Variants in CDH13 observed in about 807,000 individuals in gnomAD.
The protein encoded by CDH13 is cadherin 13, also known as cadherin-13.
CDH13 carries 24 observed loss-of-function variants against 63.8 expected under a neutral mutation model. That is an observed-to-expected ratio of 0.38 (90% CI 0.27 to 0.53). The LOEUF (loss-of-function observed/expected upper bound fraction) is 0.53, where lower values mean the gene tolerates loss of function less well. Among genes scored for constraint, CDH13 ranks in the 20% least tolerant of loss-of-function variants. The pLI, the probability that CDH13 is intolerant of heterozygous loss-of-function variation, is 0.85. For synonymous variants in CDH13, 503 were observed against 355.3 expected (o/e 1.42, Z -4.67); for missense variants, 1,049 against 903.1 (o/e 1.16, Z -2.07).
chr16:82,690,404 AAATT>A (rs1468461331), intron 1 of CDH13, among the ~76,000 whole-genome samples: 2 of 152,170 alleles, frequency 1.3e-5, no homozygotes, highest in African/African-American at 4.8e-5. Context: ...AAATAACAAA[AAATT>A]AATATCTAAG....
chr16:82,948,187 T>C (rs1415888183), intron 2 of CDH13, among the ~76,000 whole-genome samples: 1 of 152,144 alleles, frequency 6.6e-6, no homozygotes, highest in Non-Finnish European at 1.5e-5. Flanking sequence ...AGTAAGTTAT[T>C]TGGATAAGCC....
At chr16:83,004,005 C>G (rs1416450289) in intron 2 of CDH13, among the ~76,000 whole-genome samples, 6 of 152,110 alleles carry the variant, frequency 3.9e-5, no homozygotes, top group African/African-American at 1.2e-4. Context: ...TCAAGACAAT[C>G]GAATGTGTCA....
At chr16:82,671,675 T>C (rs1426819930) in intron 1 of CDH13, among the ~76,000 whole-genome samples, 2 of 152,202 alleles carry the variant, frequency 1.3e-5, no homozygotes, top group Non-Finnish European at 2.9e-5. Flanking sequence ...CTGATCTTCG[T>C]GAATCCAACT....
chr16:83,008,344 G>T (rs913947297), intron 2 of CDH13, among the ~76,000 whole-genome samples: 1 of 152,192 alleles, frequency 6.6e-6, no homozygotes, highest in Non-Finnish European at 1.5e-5. Flanking sequence ...AGGAAGTTAG[G>T]AAGTTATGCA....
intron 6 of CDH13, among the ~76,000 whole-genome samples, chr16:83,428,000 A>G (rs2071965701): frequency 1.3e-5 from 2 of 152,246 alleles, no homozygotes; most frequent in African/African-American, 2.4e-5. Context: ...TCCTCTGGTC[A>G]GTTCCACTGG....
chr16:83,159,430 T>C (rs756637774), intron 4 of CDH13, among the ~76,000 whole-genome samples: 3 of 151,994 alleles, frequency 2.0e-5, no homozygotes, highest in Non-Finnish European at 4.4e-5. Context: ...TTAATGGGTA[T>C]CATATGGGGT....
intron 1 of CDH13, among the ~76,000 whole-genome samples, chr16:82,632,408 C>T (rs1208827477): frequency 6.6e-6 from 1 of 152,202 alleles, no homozygotes; most frequent in African/African-American, 2.4e-5. Context: ...GGGACTGCAG[C>T]CCCTCCCTGA....
chr16:83,554,602 G>C (rs940659733), intron 7 of CDH13, among the ~76,000 whole-genome samples: 4 of 151,974 alleles, frequency 2.6e-5, no homozygotes, highest in Admixed American at 1.3e-4. Context: ...TCTCACACTT[G>C]GTTGCCTGAT....
At chr16:82,860,604 C>G (rs2039904627) in intron 2 of CDH13, among the ~76,000 whole-genome samples, 1 of 150,756 alleles carries the variant, frequency 6.6e-6, no homozygotes, top group African/African-American at 2.4e-5. Context: ...TTGATTAGCC[C>G]CTCTTGGTGA....
At chr16:83,098,912 T>A (rs1414645477) in intron 3 of CDH13, among the ~76,000 whole-genome samples, 1 of 152,218 alleles carries the variant, frequency 6.6e-6, no homozygotes, top group Non-Finnish European at 1.5e-5. Flanking sequence ...AGACTGGTTG[T>A]TCCTTATTTG....
At chr16:83,144,211 C>T (rs1278114789) in intron 4 of CDH13, among the ~76,000 whole-genome samples, 3 of 152,116 alleles carry the variant, frequency 2.0e-5, no homozygotes, top group Non-Finnish European at 2.9e-5. Context: ...GAAGGTTTCT[C>T]CCATGAGGAA....
At chr16:83,547,232 A>C (rs1342967353) in intron 7 of CDH13, among the ~76,000 whole-genome samples, 2 of 152,244 alleles carry the variant, frequency 1.3e-5, no homozygotes, top group African/African-American at 4.8e-5. Context: ...TCAAGAGTAC[A>C]CAGCAGTGAG....
At chr16:83,673,805 C>T (rs1567505625) in intron 9 of CDH13, among the ~76,000 whole-genome samples, 1 of 152,222 alleles carries the variant, frequency 6.6e-6, no homozygotes, top group Admixed American at 6.5e-5. Context: ...ACAGGGCACA[C>T]CACTTGTCAA....
intron 10 of CDH13, among the ~76,000 whole-genome samples, chr16:83,708,748 A>C (rs1449511691): frequency 6.6e-6 from 1 of 152,196 alleles, no homozygotes. Context: ...GGCAGGGCCA[A>C]GCGCGGTGGC....
chr16:83,505,286 A>C (rs1282101150), intron 7 of CDH13, among the ~76,000 whole-genome samples: 2 of 152,304 alleles, frequency 1.3e-5, no homozygotes, highest in Non-Finnish European at 2.9e-5. Flanking sequence ...GCCTACAACG[A>C]AGGATAATTC....
chr16:83,216,507 C>T (rs182729707), intron 4 of CDH13, among the ~76,000 whole-genome samples: 1,887 of 123,856 alleles, frequency 0.015, 12 homozygotes, highest in Middle Eastern at 0.033. Flanking sequence ...ATATTTAATA[C>T]ATAGGGATTT....
In CDH13 at chr16:83,198,265, C is replaced by G. The variant is rs2038932029; in HGVS notation, c.484-19080C>G. Reference sequence around the variant, plus strand: ...TCTTTTTAGTATATTCTGAAATAGTCTCCTCATGATTTCTTTCTCTTCTGT... The same window carrying G: ...TCTTTTTAGTATATTCTGAAATAGTGTCCTCATGATTTCTTTCTCTTCTGT... On this transcript the variant is annotated intron_variant, in intron 4 of 13. Transcript: ENST00000567109. 4.0e-5 allele frequency among the ~76,000 whole-genome samples: 6 copies of G among 151,732 alleles called. No individual in the cohort carries two copies. In the South Asian group the frequency reaches 1.0e-3, roughly 26 times the overall value.
chr16:83,184,557 C>G (rs1325541435), intron 4 of CDH13, among the ~76,000 whole-genome samples: 1 of 152,142 alleles, frequency 6.6e-6, no homozygotes, highest in Non-Finnish European at 1.5e-5. Flanking sequence ...GATTTCAAGA[C>G]CAGCCTGGCC....
chr16:83,337,094 G>A (rs1361544095), intron 5 of CDH13, among the ~76,000 whole-genome samples: 1 of 152,158 alleles, frequency 6.6e-6, no homozygotes, highest in Non-Finnish European at 1.5e-5. Flanking sequence ...TTATGTTCTT[G>A]CATTTTTAAG....
Sources: allele counts gnomAD v4.1 joint callset (sites outside exome capture counted in the v4.1 genomes callset), GRCh38; gene constraint gnomAD v4.1.1; transcripts MANE v1.5; gene names NCBI Gene and HGNC (gene_info 2026-07-23, HGNC 2026-07-21).